The following UBR1 variants were observed in gnomAD, a reference collection of about 807,000 sequenced individuals.
UBR1 encodes E3 ubiquitin-protein ligase UBR1.
Under a neutral mutation model 242.1 loss-of-function variants are expected in UBR1, and 102 were observed. That is an observed-to-expected ratio of 0.42 (90% CI 0.36 to 0.50). The LOEUF is 0.50. Among genes scored for constraint, UBR1 ranks in the 20% least tolerant of loss-of-function variants. UBR1 has a pLI of 0.01. For missense variants in UBR1, 1,772 were observed against 2,101.8 expected, an observed-to-expected ratio of 0.84 and a Z score of 3.07; for synonymous variants, 675 against 684.8, an observed-to-expected ratio of 0.99 and a Z score of 0.22.
chr15:42,953,820 T>C (rs569923752), intron 44 of UBR1, among the ~76,000 whole-genome samples: 1 of 152,050 alleles, frequency 6.6e-6, no homozygotes, highest in South Asian at 2.1e-4. Flanking sequence ...AGGATCCTCA[T>C]TGTGATTAAT....
intron 2 of UBR1, among the ~76,000 whole-genome samples, chr15:43,085,407 T>A (rs1209320407): frequency 6.6e-6 from 1 of 152,162 alleles, no homozygotes; most frequent in Non-Finnish European, 1.5e-5. Flanking sequence ...TGACATTCCG[T>A]TGGAGAACAG....
Position 43,075,128 on chromosome 15 carries a change from T to C in UBR1, c.418-39A>G, listed in dbSNP as rs1489002484. On this transcript the variant is annotated intron_variant, in intron 3 of 46. Transcript: ENST00000290650. ...AATGAGTTTGTCTTGATTTCAAACA[T>C]TTTACTAAGCATGAAGAATGATAAA... is the stretch of plus-strand genomic sequence containing the variant. 5 of 1,408,666 alleles carry C rather than the reference T, an allele frequency of 3.5e-6. No homozygotes were observed. The African/African-American group carries it at 7.0e-5, about 20-fold the overall frequency. 87.3% of individuals were successfully genotyped at this position (1,408,666 alleles called of 1,614,324 possible).
chr15:43,005,391 GCCCGGCCAGCCGC>G (rs2032803467), intron 30 of UBR1, among the ~76,000 whole-genome samples: 1 of 149,160 alleles, frequency 6.7e-6, no homozygotes, highest in African/African-American at 2.5e-5. Flanking sequence ...GGCAGCCCCC[GCCCGGCCAGCCGC>G]CCTGTCTTGG....
rs192703766 is a variant in UBR1, at chr15:43,070,911, C to T, written c.543G>A (p.Pro181=). Residue 181 remains proline, a synonymous_variant, in exon 5 of 47, where the codon CCG becomes CCA. Coordinates refer to ENST00000290650, the MANE Select transcript of UBR1 (RefSeq NM_174916.3). ...CTTGGACAATTACCTCTTCATTCAA[C>T]GGACAGCGTGAATTCTATAAAAAAG... ...AGTIKENSRC[P]LNEEVIVQAR... 5.0e-6 allele frequency: 8 copies of T among 1,613,272 alleles called. No homozygotes were observed. The highest frequency in any genetic ancestry group is 2.2e-5 in the East Asian group (1 of 44,838).
chr15:43,022,836 G>T, intron 25 of UBR1, 35 bp from the exon 26 acceptor site: 1 of 1,291,728 alleles, frequency 7.7e-7, no homozygotes, highest in Non-Finnish European at 1.1e-6. Flanking sequence ...TTAAAATTGC[G>T]CTTCTTCAGG....
intron 6 of UBR1, among the ~76,000 whole-genome samples, chr15:43,063,821 C>T (rs1187313663): frequency 6.6e-6 from 1 of 152,066 alleles, no homozygotes; most frequent in Non-Finnish European, 1.5e-5. Flanking sequence ...ACTGCAACCT[C>T]CACCTCCTGG....
rs147742421 is a variant in UBR1, at chr15:43,100,662, C to T, written c.81+5280G>A. Among the ~76,000 whole-genome samples the T allele has an allele frequency of 4.0e-3, 615 of 152,156 alleles. 3 individuals are homozygous for T. The highest frequency in any genetic ancestry group is 0.014 in the African/African-American group (576 of 41,528). On this transcript the variant is annotated intron_variant, in intron 1 of 46. Transcript: ENST00000290650. ...CCATCCTGGCCAACATGGTGAAACC[C>T]CGTCTCTACTAAAAACACAAAAATT...
At chr15:43,016,312 A>G (rs1193739262) in intron 28 of UBR1, among the ~76,000 whole-genome samples, 1 of 152,150 alleles carries the variant, frequency 6.6e-6, no homozygotes, top group Non-Finnish European at 1.5e-5. Flanking sequence ...GTGCATGTTA[A>G]TTTTCTATTC....
chr15:43,023,048 C>CG (rs1481190489), intron 25 of UBR1, among the ~76,000 whole-genome samples: 1 of 151,462 alleles, frequency 6.6e-6, no homozygotes, highest in African/African-American at 2.4e-5. Flanking sequence ...TTGGAGGGGG[C>CG]GGGGGGTATA....
At chr15:43,077,522 A>G (rs962006300) in intron 3 of UBR1, among the ~76,000 whole-genome samples, 1 of 151,500 alleles carries the variant, frequency 6.6e-6, no homozygotes. Context: ...GGAAGGCCGC[A>G]GGGTCCTCTG....
At chr15:42,970,439 TG>T in intron 40 of UBR1, 80 bp downstream of exon 40, 1 of 1,400,464 alleles carries the variant, frequency 7.1e-7, no homozygotes, top group Non-Finnish European at 1.0e-6. Context: ...GGAATTTAAA[TG>T]ATTCAAATGT....
intron 12 of UBR1, among the ~76,000 whole-genome samples, chr15:43,050,271 T>G (rs889388181): frequency 6.6e-6 from 1 of 152,048 alleles, no homozygotes; most frequent in African/African-American, 2.4e-5. Flanking sequence ...CCCAGATGAT[T>G]TGCTTCTGCA....
At chr15:43,009,835 T>C (rs180896929) in intron 29 of UBR1, among the ~76,000 whole-genome samples, 9 of 152,330 alleles carry the variant, frequency 5.9e-5, no homozygotes, top group Admixed American at 2.6e-4. Flanking sequence ...TCATCATATA[T>C]AGATGAACTT....
At chr15:43,074,720 C>T (rs2033865839) in intron 4 of UBR1, among the ~76,000 whole-genome samples, 1 of 152,206 alleles carries the variant, frequency 6.6e-6, no homozygotes, top group Non-Finnish European at 1.5e-5. Flanking sequence ...AGCGCCCGAC[C>T]TGTGTACTCT....
intron 39 of UBR1, among the ~76,000 whole-genome samples, chr15:42,973,718 G>A (rs1002843356): frequency 1.3e-5 from 2 of 151,978 alleles, no homozygotes; most frequent in South Asian, 2.1e-4. Context: ...AATGTGGCTT[G>A]TCTCTCATTC....
intron 25 of UBR1, among the ~76,000 whole-genome samples, chr15:43,023,041 G>A (rs1469799559): frequency 1.3e-5 from 2 of 151,676 alleles, no homozygotes; most frequent in Non-Finnish European, 2.9e-5. Flanking sequence ...ATTTTTTTTG[G>A]AGGGGGCGGG....
chr15:43,056,476 C>T (rs1161968900), intron 10 of UBR1, 34 bp from the exon 11 acceptor site: 1 of 1,462,730 alleles, frequency 6.8e-7, no homozygotes, highest in East Asian at 2.3e-5. Flanking sequence ...AATTATAAAT[C>T]ACTACTAAAG....
intron 26 of UBR1, 35 bp downstream of exon 26, chr15:43,022,667 T>C (rs368776997): frequency 6.9e-7 from 1 of 1,446,928 alleles, no homozygotes; most frequent in Non-Finnish European, 9.7e-7. Context: ...AGACTTTCAA[T>C]GACAAATGTG....
At chr15:42,999,865 A>G (rs1465279186) in intron 32 of UBR1, among the ~76,000 whole-genome samples, 1 of 152,144 alleles carries the variant, frequency 6.6e-6, no homozygotes, top group East Asian at 1.9e-4. Flanking sequence ...TATTAAAAAT[A>G]AAATAGGAAT....
Sources: allele counts gnomAD v4.1 joint callset (sites outside exome capture counted in the v4.1 genomes callset), GRCh38; gene constraint gnomAD v4.1.1; transcripts MANE v1.5; gene names NCBI Gene and HGNC (gene_info 2026-07-23, HGNC 2026-07-21).